ANK2: variants seen among roughly 807,000 people sequenced by gnomAD.
ANK2 encodes ankyrin-2.
In ANK2, 83 loss-of-function variants were observed where a neutral mutation model predicts 360.5. That is an observed-to-expected ratio of 0.23 (90% CI 0.19 to 0.28). ANK2 has a LOEUF of 0.28. ANK2 is among the 10% of genes least tolerant of loss of function. ANK2 has a pLI of 1.00. For synonymous variants in ANK2, 1,740 were observed against 1,759.5 expected, an observed-to-expected ratio of 0.99 and a Z score of 0.28; for missense variants, 4,201 against 4,795.7, an observed-to-expected ratio of 0.88 and a Z score of 3.66.
At chr4:113,292,103 C>G (rs976166913) in intron 20 of ANK2, among the ~76,000 whole-genome samples, 3 of 152,136 alleles carry the variant, frequency 2.0e-5, no homozygotes, top group African/African-American at 7.2e-5. Flanking sequence ...GAGCAGAAGT[C>G]GACTGCACCC....
intron 2 of ANK2, among the ~76,000 whole-genome samples, chr4:113,027,766 A>G (rs2059588488): frequency 6.6e-6 from 1 of 152,108 alleles, no homozygotes; most frequent in African/African-American, 2.4e-5. Context: ...ATATAAATAA[A>G]TAGAAATCTA....
At chr4:113,301,067 A>G (rs1402205219) in intron 22 of ANK2, among the ~76,000 whole-genome samples, 1 of 152,218 alleles carries the variant, frequency 6.6e-6, no homozygotes, top group Non-Finnish European at 1.5e-5. Context: ...ATTATCTAAC[A>G]TCTAGGTCAA....
chr4:112,884,158 A>G (rs1264148703), intron 1 of ANK2, among the ~76,000 whole-genome samples: 1 of 152,136 alleles, frequency 6.6e-6, no homozygotes, highest in Admixed American at 6.5e-5. Context: ...GACAAAATAA[A>G]TTTGTATCTT....
At chr4:112,710,903 T>TTATATATATATATATA in the ANK2 span, among the ~76,000 whole-genome samples, 21 of 141,280 alleles carry the variant, frequency 1.5e-4, no homozygotes, top group African/African-American at 4.7e-4. Flanking sequence ...TGAACAGGTT[T>TTATATATATATATATA]TATATATATA....
chr4:113,218,044 C>G (rs1321666748), intron 4 of ANK2, among the ~76,000 whole-genome samples: 1 of 152,164 alleles, frequency 6.6e-6, no homozygotes, highest in African/African-American at 2.4e-5. Context: ...TAAGTCAGCA[C>G]AGATAAAAAC....
At chr4:112,967,984 G>T (rs1221143914) in intron 2 of ANK2, among the ~76,000 whole-genome samples, 1 of 152,102 alleles carries the variant, frequency 6.6e-6, no homozygotes, top group Non-Finnish European at 1.5e-5. Context: ...GTATTTGATA[G>T]TTGATTACTT....
chr4:112,957,763 T>C (rs1265385101), intron 2 of ANK2, among the ~76,000 whole-genome samples: 41 of 138,438 alleles, frequency 3.0e-4, no homozygotes, highest in Non-Finnish European at 5.5e-4. Flanking sequence ...CCAGACGGGG[T>C]GGCTGCCGGG....
intron 4 of ANK2, among the ~76,000 whole-genome samples, chr4:113,219,085 G>A (rs2153479636): frequency 6.6e-6 from 1 of 152,154 alleles, no homozygotes; most frequent in African/African-American, 2.4e-5. Context: ...AAGTTACTAG[G>A]TCATGTATTA....
the ANK2 span, chr4:112,788,128 C>G: frequency 1.9e-6 from 3 of 1,580,476 alleles, no homozygotes; most frequent in Non-Finnish European, 2.6e-6. Flanking sequence ...CCTTTTCGAG[C>G]TTGGCAATGC....
the ANK2 span, among the ~76,000 whole-genome samples, chr4:112,808,974 T>G: frequency 6.6e-6 from 1 of 152,020 alleles, no homozygotes; most frequent in African/African-American, 2.4e-5. Flanking sequence ...TTCTCCTGCA[T>G]CAGCCTCCGG....
chr4:112,779,020 C>T, the ANK2 span, among the ~76,000 whole-genome samples: 1 of 152,134 alleles, frequency 6.6e-6, no homozygotes, highest in Non-Finnish European at 1.5e-5. Context: ...TGTCCCTGTG[C>T]AAGTTTACTA....
chr4:112,745,219 A>T, the ANK2 span, among the ~76,000 whole-genome samples: 1 of 152,256 alleles, frequency 6.6e-6, no homozygotes, highest in East Asian at 1.9e-4. Flanking sequence ...ACACAAACAC[A>T]TCACATAAAC....
the ANK2 span, among the ~76,000 whole-genome samples, chr4:112,795,925 G>C: frequency 1.3e-5 from 2 of 151,246 alleles, no homozygotes; most frequent in Non-Finnish European, 2.9e-5. Flanking sequence ...CAGACTCTGG[G>C]AGTAGCTGGG....
rs1046011873 is a variant in ANK2, at chr4:113,292,659, G to T, written c.2376+145G>T. 3.6e-5 allele frequency: 33 copies of T among 928,046 alleles called. No individual in the cohort carries two copies. In the African/African-American group the frequency reaches 5.3e-4, roughly 15 times the overall value. 57.5% of individuals were successfully genotyped at this position (928,046 alleles called of 1,614,324 possible). On this transcript the variant is annotated intron_variant, in intron 21 of 45. Transcript: ENST00000357077. ...CTGGAAAGCCCCAGATTTTTGGGCA[G>T]GCTTTCCAGAAGTCAGTGTGACTTC...
At chr4:113,257,973 C>T in intron 11 of ANK2, 77 bp from the exon 12 acceptor site, 1 of 1,284,104 alleles carries the variant, frequency 7.8e-7, no homozygotes, top group South Asian at 1.2e-5. Flanking sequence ...AACATTATTG[C>T]CTGCAATGTG....
chr4:112,833,577 C>A (rs111996761), intron 1 of ANK2, among the ~76,000 whole-genome samples: 4,271 of 151,394 alleles, frequency 0.028, 129 homozygotes, highest in African/African-American at 0.069. Flanking sequence ...CATCTCTGCT[C>A]ACTGCAAGCT....
intron 10 of ANK2, among the ~76,000 whole-genome samples, chr4:113,252,014 C>T (rs1051392590): frequency 2.0e-5 from 3 of 152,118 alleles, no homozygotes; most frequent in South Asian, 2.1e-4. Context: ...TAAAGACATA[C>T]TTGAGATGAG....
At chr4:113,320,271 A>T (rs370719587) in intron 26 of ANK2, among the ~76,000 whole-genome samples, 4 of 152,216 alleles carry the variant, frequency 2.6e-5, no homozygotes, top group African/African-American at 9.6e-5. Flanking sequence ...TTAATAAAAC[A>T]GTTTTCCTAT....
intron 15 of ANK2, among the ~76,000 whole-genome samples, chr4:113,277,531 A>T (rs1418000586): frequency 6.6e-6 from 1 of 152,112 alleles, no homozygotes; most frequent in Non-Finnish European, 1.5e-5. Flanking sequence ...TTTTTTCCCC[A>T]TTCACAAATT....
Sources: allele counts gnomAD v4.1 joint callset (sites outside exome capture counted in the v4.1 genomes callset), GRCh38; gene constraint gnomAD v4.1.1; transcripts MANE v1.5; gene names NCBI Gene and HGNC (gene_info 2026-07-23, HGNC 2026-07-21).